NCALD: variants seen among roughly 807,000 people sequenced by gnomAD.
NCALD encodes neurocalcin delta, also known as neurocalcin-delta.
A neutral mutation model predicts 18.6 loss-of-function variants in NCALD; 10 were observed. The observed-to-expected ratio is 0.54, with a 90% CI of 0.33 to 0.91. The LOEUF (loss-of-function observed/expected upper bound fraction) is 0.91. Among genes scored for constraint, NCALD ranks in the 40% least tolerant of loss-of-function variants. NCALD has a pLI of 0.03. For synonymous variants in NCALD, 88 were observed against 87.4 expected, an observed-to-expected ratio of 1.01 and a Z score of -0.04; for missense variants, 184 against 247.6, an observed-to-expected ratio of 0.74 and a Z score of 1.72.
At chr8:101,826,619 TGAATA>T (rs1214355596) in intron 4 of NCALD, among the ~76,000 whole-genome samples, 1 of 152,212 alleles carries the variant, frequency 6.6e-6, no homozygotes, top group Non-Finnish European at 1.5e-5. Flanking sequence ...TTGAAATCTT[TGAATA>T]GATCGATTTT....
chr8:102,006,536 T>C (rs1821720293), intron 2 of NCALD, among the ~76,000 whole-genome samples: 1 of 152,178 alleles, frequency 6.6e-6, no homozygotes, highest in Non-Finnish European at 1.5e-5. Context: ...AACAGTATGG[T>C]CCATTCCCTG....
intron 1 of NCALD, among the ~76,000 whole-genome samples, chr8:102,105,426 A>T (rs1482768977): frequency 6.6e-6 from 1 of 152,106 alleles, no homozygotes; most frequent in Non-Finnish European, 1.5e-5. Flanking sequence ...AAGGCAGGTA[A>T]TTATTTTGCT....
intron 4 of NCALD, among the ~76,000 whole-genome samples, chr8:101,816,953 C>T (rs967913587): frequency 6.6e-6 from 1 of 152,176 alleles, no homozygotes; most frequent in East Asian, 1.9e-4. Flanking sequence ...CCTAAAACTA[C>T]GCTTTAAAAA....
intron 4 of NCALD, among the ~76,000 whole-genome samples, chr8:101,812,105 T>A (rs1813326625): frequency 6.6e-6 from 1 of 152,196 alleles, no homozygotes; most frequent in South Asian, 2.1e-4. Context: ...TCCATACTCT[T>A]ATCTGTGGAA....
rs545796293 is a variant in NCALD, at chr8:101,804,445, ATAAT to A, written c.-20+82692_-20+82695del. Among the ~76,000 whole-genome samples, 96 of 133,144 alleles carry A rather than the reference ATAAT, an allele frequency of 7.2e-4. 1 individual carries two copies. The South Asian group carries it at 0.019, about 27-fold the overall frequency. The allele number at this position is 133,144 out of a possible 152,430, so 87.3% of individuals were successfully genotyped here. On this transcript the variant is annotated intron_variant, in intron 4 of 6. Coordinates refer to the NCALD transcript ENST00000311028. ...TTTATAACTGTAATATATAATTGAT[ATAAT>A]TAATTATATAATATATAACAAAGAT... is the stretch of plus-strand genomic sequence containing the variant.
At position 102,068,645 on chromosome 8, in the gene NCALD, A is replaced by G. The variant is rs143680386; in HGVS notation, c.-209-48356T>C. ...GTTGATTTCCTCCATTCTAGCTCTT[A>G]CTTCTGAAATAATCTAGCTTTTTAA... On this transcript the variant is annotated intron_variant, in intron 1 of 6. Coordinates refer to the NCALD transcript ENST00000311028. Among the ~76,000 whole-genome samples, 666 of 152,176 alleles carry G rather than the reference A, an allele frequency of 4.4e-3. 4 individuals carry two copies. Among genetic ancestry groups the G allele is most frequent in the African/African-American group, 0.015 (622 of 41,506 alleles).
intron 2 of NCALD, among the ~76,000 whole-genome samples, chr8:101,994,443 T>C (rs1199227323): frequency 1.3e-5 from 2 of 152,170 alleles, no homozygotes; most frequent in African/African-American, 2.4e-5. Context: ...CTGAATGAAG[T>C]GTCACAGCCT....
Position 101,689,344 on chromosome 8 carries a change from G to A in NCALD, c.547C>T (p.Leu183=), listed in dbSNP as rs370817129. ...AKSDPSIVRL[L]QCDPSSAGQF ...CCGGCACTGCTCGGGTCGCACTGCA[G>A]GAGGCGCACAATGGACGGGTCGCTT... Residue 183 remains leucine (L), a synonymous_variant, in exon 4 of 4, where the codon CTG becomes TTG. Transcript: ENST00000220931. This position sits in a 1 kb window ranked among gnomAD's most constrained non-coding sequence, Gnocchi z 4.4. The A allele has an allele frequency of 6.2e-7, 1 of 1,613,798 alleles. No individual in the cohort carries two copies.
At chr8:101,832,841 G>A (rs1399008898) in intron 4 of NCALD, among the ~76,000 whole-genome samples, 1 of 152,126 alleles carries the variant, frequency 6.6e-6, no homozygotes, top group African/African-American at 2.4e-5. Flanking sequence ...CCAAATAAAT[G>A]GTGACTCATT....
chr8:101,742,072 C>T (rs1285428288), intron 1 of NCALD, among the ~76,000 whole-genome samples: 1 of 146,206 alleles, frequency 6.8e-6, no homozygotes, highest in South Asian at 2.2e-4. Flanking sequence ...GCCAACATAG[C>T]GAAACTCTGT....
chr8:102,111,467 T>G, intron 1 of NCALD, among the ~76,000 whole-genome samples: 1 of 151,502 alleles, frequency 6.6e-6, no homozygotes, highest in African/African-American at 2.4e-5. Context: ...GTCTGAGTGT[T>G]GCTTCCTCTC....
intron 2 of NCALD, among the ~76,000 whole-genome samples, chr8:101,983,471 CAATCT>C (rs1820696241): frequency 6.6e-6 from 1 of 152,196 alleles, no homozygotes; most frequent in Non-Finnish European, 1.5e-5. Flanking sequence ...GAATTTTATG[CAATCT>C]GAATTTTCAC....
At chr8:101,916,493 C>T (rs1817974641) in intron 2 of NCALD, among the ~76,000 whole-genome samples, 1 of 152,102 alleles carries the variant, frequency 6.6e-6, no homozygotes, top group South Asian at 2.1e-4. Context: ...CAGCTAACAA[C>T]TTATGATAGG....
chr8:101,742,069 T>C (rs1486211181), intron 1 of NCALD, among the ~76,000 whole-genome samples: 1 of 145,322 alleles, frequency 6.9e-6, no homozygotes, highest in Non-Finnish European at 1.5e-5. Flanking sequence ...CTGGCCAACA[T>C]AGCGAAACTC....
chr8:101,975,496 C>T (rs1486580806), intron 2 of NCALD, among the ~76,000 whole-genome samples: 9 of 152,220 alleles, frequency 5.9e-5, no homozygotes, highest in African/African-American at 1.9e-4. Flanking sequence ...GAAAAGCCTA[C>T]AGAAACGGCC....
chr8:101,993,670 T>C (rs900231889), intron 2 of NCALD, among the ~76,000 whole-genome samples: 1 of 152,222 alleles, frequency 6.6e-6, no homozygotes, highest in African/African-American at 2.4e-5. Context: ...TACTCCAGGC[T>C]GCTCCTGCCT....
intron 2 of NCALD, among the ~76,000 whole-genome samples, chr8:101,960,114 T>C (rs1310240809): frequency 1.3e-5 from 2 of 152,174 alleles, no homozygotes; most frequent in Non-Finnish European, 2.9e-5. Flanking sequence ...GCTAATTCTT[T>C]CAGGCTTGCA....
chr8:102,103,361 C>T (rs2132421872), intron 1 of NCALD, among the ~76,000 whole-genome samples: 1 of 152,216 alleles, frequency 6.6e-6, no homozygotes, highest in South Asian at 2.1e-4. Context: ...ACCCAATTCT[C>T]TCTTAAAAGA....
At chr8:102,050,095 G>C (rs990668701) in intron 1 of NCALD, among the ~76,000 whole-genome samples, 4 of 143,836 alleles carry the variant, frequency 2.8e-5, no homozygotes, top group Non-Finnish European at 3.0e-5. Flanking sequence ...CCGGGAAGCG[G>C]AGCTTGCAGT....
Sources: gnomAD v4.1 joint callset for allele counts (sites outside exome capture counted in the v4.1 genomes callset) on GRCh38, gnomAD v4.1.1 for gene constraint, Gnocchi (gnomAD v3.1) non-coding constraint, MANE v1.5 for transcripts, NCBI Gene and HGNC (gene_info 2026-07-23, HGNC 2026-07-21) for gene names.